NEK6: variants seen among roughly 807,000 people sequenced by gnomAD.
NEK6 encodes NIMA related kinase 6, also known as serine/threonine-protein kinase Nek6.
A neutral mutation model predicts 43.5 loss-of-function variants in NEK6; 27 were observed. That is an observed-to-expected ratio of 0.62 (90% CI 0.46 to 0.86). The LOEUF is 0.86. Ranked by LOEUF, NEK6 falls within the 40% of genes least tolerant of loss-of-function variation. NEK6 has a pLI of 0.00. For synonymous variants in NEK6, 167 were observed against 164.1 expected, an observed-to-expected ratio of 1.02 and a Z score of -0.14; for missense variants, 318 against 414.4, an observed-to-expected ratio of 0.77 and a Z score of 2.02.
At chr9:124,318,714 C>G (rs1833930976) in intron 4 of NEK6, among the ~76,000 whole-genome samples, 1 of 151,732 alleles carries the variant, frequency 6.6e-6, no homozygotes, top group African/African-American at 2.4e-5. Flanking sequence ...CTCAGCCACC[C>G]AGGCTGGAGT....
At chr9:124,327,653 C>T (rs1007435617) in intron 7 of NEK6, among the ~76,000 whole-genome samples, 9 of 152,234 alleles carry the variant, frequency 5.9e-5, no homozygotes, top group Admixed American at 5.9e-4. Flanking sequence ...TCCCACACCC[C>T]CTGATCACCT....
At chr9:124,283,645 A>G (rs2225372) in intron 1 of NEK6, among the ~76,000 whole-genome samples, 147,002 of 152,280 alleles carry the variant, frequency 0.97, 71,142 homozygotes, top group East Asian at 1. Context: ...TACTTCCTGA[A>G]CCTCCCCTCT....
intron 1 of NEK6, among the ~76,000 whole-genome samples, chr9:124,264,717 A>G (rs1831157944): frequency 6.8e-6 from 1 of 147,888 alleles, no homozygotes; most frequent in Non-Finnish European, 1.5e-5. Context: ...GAGGAGCCTG[A>G]GGCGTGAGAA....
At chr9:124,313,818 T>A in intron 3 of NEK6, 105 bp from the exon 4 acceptor site, 2 of 1,105,760 alleles carry the variant, frequency 1.8e-6, no homozygotes, top group Non-Finnish European at 2.7e-6. Flanking sequence ...AGTCCCTTGG[T>A]GAGGAGGTGG....
intron 7 of NEK6, among the ~76,000 whole-genome samples, chr9:124,335,744 A>T (rs578170946): frequency 2.0e-5 from 3 of 152,240 alleles, no homozygotes; most frequent in Non-Finnish European, 4.4e-5. Context: ...GACAGCCCAG[A>T]TCAGAGATTT....
intron 2 of NEK6, among the ~76,000 whole-genome samples, chr9:124,311,225 C>T (rs773195690): frequency 3.7e-4 from 56 of 152,200 alleles, no homozygotes; most frequent in Non-Finnish European, 6.8e-4. Context: ...AAAGACGCCT[C>T]GGTACGGTGC....
intron 8 of NEK6, among the ~76,000 whole-genome samples, chr9:124,346,828 G>A (rs1409516791): frequency 1.3e-5 from 2 of 152,190 alleles, no homozygotes; most frequent in Admixed American, 6.5e-5. Context: ...CAGGCCTTTC[G>A]CTCCCCCGTG....
At chr9:124,289,740 A>T (rs1365959042) in intron 1 of NEK6, among the ~76,000 whole-genome samples, 1 of 152,248 alleles carries the variant, frequency 6.6e-6, no homozygotes, top group Non-Finnish European at 1.5e-5. Context: ...AACCCAGTGA[A>T]TCACAGATCC....
At chr9:124,263,673 G>A (rs1831120220) in intron 1 of NEK6, among the ~76,000 whole-genome samples, 1 of 152,208 alleles carries the variant, frequency 6.6e-6, no homozygotes, top group African/African-American at 2.4e-5. Flanking sequence ...CCTGCATTGA[G>A]GCCCTAAACA....
chr9:124,267,753 A>G (rs770187084), intron 1 of NEK6, among the ~76,000 whole-genome samples: 2 of 152,258 alleles, frequency 1.3e-5, no homozygotes, highest in Non-Finnish European at 2.9e-5. Context: ...GCTGAGCACC[A>G]CATGCCTTCT....
At position 124,343,426 on chromosome 9, in the gene NEK6, G is replaced by A. The variant is rs1254086670; in HGVS notation, c.717+3761G>A. On this transcript the variant is annotated intron_variant, in intron 8 of 9. Coordinates refer to ENST00000320246, the MANE Select transcript of NEK6 (RefSeq NM_014397.6). This position sits in a 1 kb window ranked among gnomAD's most constrained non-coding sequence, Gnocchi z 5.1. ...AGCGTCCTCAGGGACATCAGGCGCT[G>A]ACCTAACCCTAGCAGCCCCGGCCTC... Among the ~76,000 whole-genome samples, 1 of 152,122 alleles carries A rather than the reference G, an allele frequency of 6.6e-6. No individual in the cohort carries two copies. The highest frequency in any genetic ancestry group is 2.4e-5 in the African/African-American group (1 of 41,432).
intron 7 of NEK6, 61 bp from the exon 8 acceptor site, chr9:124,339,510 T>A: frequency 1.6e-6 from 2 of 1,239,466 alleles, no homozygotes; most frequent in Non-Finnish European, 2.4e-6. Context: ...CAACCTCACC[T>A]CTGTGCCCTG....
intron 2 of NEK6, among the ~76,000 whole-genome samples, chr9:124,303,050 C>T (rs1362317734): frequency 6.6e-6 from 1 of 152,188 alleles, no homozygotes; most frequent in Admixed American, 6.5e-5. Context: ...AGCAGAAGAA[C>T]CTTGCGGGCC....
At position 124,281,131 on chromosome 9, in the gene NEK6, C is replaced by T. The variant is rs541490304; in HGVS notation, c.-29-20805C>T. Among the ~76,000 whole-genome samples, 43 of 152,356 alleles carry T rather than the reference C, an allele frequency of 2.8e-4. No individual in the cohort carries two copies. The South Asian group carries it at 6.0e-3, about 21-fold the overall frequency. On this transcript the variant is annotated intron_variant, in intron 1 of 9. Coordinates refer to ENST00000320246, the MANE Select transcript of NEK6 (RefSeq NM_014397.6). Reference sequence around the variant, plus strand: ...TTTTCGCTTGTGTTTTCTTTTCTTCCTCACCAGCAGGCTGCCTGGTGACTG... The same window carrying T: ...TTTTCGCTTGTGTTTTCTTTTCTTCTTCACCAGCAGGCTGCCTGGTGACTG...
chr9:124,305,469 G>A (rs1288060645), intron 2 of NEK6, among the ~76,000 whole-genome samples: 3 of 150,466 alleles, frequency 2.0e-5, no homozygotes, highest in African/African-American at 4.9e-5. Context: ...CATGAGAATC[G>A]CTTCAACCTG....
At chr9:124,291,373 T>A (rs1832411580) in intron 1 of NEK6, among the ~76,000 whole-genome samples, 1 of 152,164 alleles carries the variant, frequency 6.6e-6, no homozygotes, top group African/African-American at 2.4e-5. Flanking sequence ...ACGCCTGTAA[T>A]CTTACCACTT....
chr9:124,314,971 A>C (rs978438142), intron 4 of NEK6, among the ~76,000 whole-genome samples: 13 of 152,240 alleles, frequency 8.5e-5, no homozygotes, highest in African/African-American at 2.9e-4. Flanking sequence ...CCCATGAAAC[A>C]TACTGGATTT....
chr9:124,294,109 T>C (rs1020196532), intron 1 of NEK6, among the ~76,000 whole-genome samples: 1 of 152,226 alleles, frequency 6.6e-6, no homozygotes, highest in Non-Finnish European at 1.5e-5. Context: ...CTCACACCTG[T>C]AATCCCAGCA....
At chr9:124,347,472 T>A (rs1240889180) in intron 8 of NEK6, among the ~76,000 whole-genome samples, 1 of 152,194 alleles carries the variant, frequency 6.6e-6, no homozygotes, top group Admixed American at 6.5e-5. Context: ...CCTTGAAAGT[T>A]TTGTCACCGA....
Sources: gnomAD v4.1 joint callset for allele counts (sites outside exome capture counted in the v4.1 genomes callset) on GRCh38, gnomAD v4.1.1 for gene constraint, Gnocchi (gnomAD v3.1) non-coding constraint, MANE v1.5 for transcripts, NCBI Gene and HGNC (gene_info 2026-07-23, HGNC 2026-07-21) for gene names.